Variants in ATRNL1 observed in about 807,000 individuals in gnomAD.
ATRNL1 encodes the protein attractin like 1.
In ATRNL1, 95 loss-of-function variants were observed where a neutral mutation model predicts 182.7. That is an observed-to-expected ratio of 0.52 (90% CI 0.44 to 0.62). The LOEUF is 0.62. ATRNL1 is among the 20% of genes least tolerant of loss of function. The probability of loss-of-function intolerance (pLI) is 0.00; values close to 1 mark genes in which losing one functional copy is unlikely to be tolerated. For missense variants in ATRNL1, 1,471 were observed against 1,679.5 expected (o/e 0.88, Z 2.17); for synonymous variants, 576 against 568.3 (o/e 1.01, Z -0.19).
intron 27 of ATRNL1, among the ~76,000 whole-genome samples, chr10:115,781,607 A>G (rs1949267547): frequency 6.6e-6 from 1 of 152,210 alleles, no homozygotes; most frequent in African/African-American, 2.4e-5. Context: ...AGTAACAGGA[A>G]AGACTCATCT....
chr10:115,217,967 A>G (rs1182009071), intron 9 of ATRNL1, among the ~76,000 whole-genome samples: 1 of 152,038 alleles, frequency 6.6e-6, no homozygotes. Context: ...GTGGTCCCCA[A>G]CCTTTTTGGC....
chr10:115,153,536 T>C (rs1554881270), intron 5 of ATRNL1, among the ~76,000 whole-genome samples: 1 of 152,220 alleles, frequency 6.6e-6, no homozygotes, highest in East Asian at 1.9e-4. Context: ...TAGTTTGTAT[T>C]TCTTTGGGAT....
chr10:115,344,634 G>A (rs1393721695), intron 19 of ATRNL1, among the ~76,000 whole-genome samples: 1 of 152,172 alleles, frequency 6.6e-6, no homozygotes, highest in East Asian at 1.9e-4. Context: ...ACCTGTGACT[G>A]TGTTAGTTCC....
intron 27 of ATRNL1, among the ~76,000 whole-genome samples, chr10:115,817,881 T>G (rs1361364835): frequency 8.0e-5 from 3 of 37,402 alleles, no homozygotes; most frequent in African/African-American, 2.0e-4. Context: ...CGTTGTGTTT[T>G]TTTTTTTTTT....
chr10:115,706,956 T>C (rs936226348), intron 26 of ATRNL1, among the ~76,000 whole-genome samples: 3 of 151,934 alleles, frequency 2.0e-5, no homozygotes, highest in Admixed American at 6.6e-5. Flanking sequence ...CAGTCTCTCT[T>C]AGTTTTTGAG....
At chr10:115,532,625 C>A (rs1197844583) in intron 25 of ATRNL1, among the ~76,000 whole-genome samples, 1 of 150,874 alleles carries the variant, frequency 6.6e-6, no homozygotes, top group African/African-American at 2.4e-5. Context: ...ATTTCCTTCT[C>A]CTGCCTAATT....
At chr10:115,561,819 T>C (rs1554999821) in intron 26 of ATRNL1, among the ~76,000 whole-genome samples, 2 of 152,034 alleles carry the variant, frequency 1.3e-5, no homozygotes, top group Non-Finnish European at 2.9e-5. Flanking sequence ...TACCACTAAA[T>C]GCTTGTGATC....
intron 25 of ATRNL1, among the ~76,000 whole-genome samples, chr10:115,542,288 C>A (rs1852402024): frequency 6.6e-6 from 1 of 151,936 alleles, no homozygotes; most frequent in Non-Finnish European, 1.5e-5. Context: ...TGTTACAGAA[C>A]CGTGGCAGGG....
At chr10:115,148,211 A>G (rs1305148057) in intron 5 of ATRNL1, among the ~76,000 whole-genome samples, 3 of 151,892 alleles carry the variant, frequency 2.0e-5, no homozygotes, top group Admixed American at 6.6e-5. Context: ...TTTTGTAGCT[A>G]TTGTATTGCC....
At chr10:115,517,035 G>A (rs555595161) in intron 24 of ATRNL1, among the ~76,000 whole-genome samples, 9 of 151,904 alleles carry the variant, frequency 5.9e-5, no homozygotes, top group South Asian at 2.1e-4. Flanking sequence ...TATTACAATG[G>A]TGTAGAACAG....
At chr10:115,747,936 A>C (rs1342383739) in intron 27 of ATRNL1, among the ~76,000 whole-genome samples, 1 of 152,072 alleles carries the variant, frequency 6.6e-6, no homozygotes, top group Non-Finnish European at 1.5e-5. Context: ...TAAGGACACT[A>C]ATCTCATTCT....
chr10:115,129,318 A>G lies in ATRNL1; in HGVS notation c.621-9A>G. On this transcript the variant is annotated splice_polypyrimidine_tract_variant and intron_variant, in intron 4 of 28. Coordinates refer to ENST00000355044, the MANE Select transcript of ATRNL1 (RefSeq NM_207303.4). ...TTGAATCTGAATATATATGAATTATATTTTACAGAATCAATTCTTGTCCTA... is the reference window on the plus strand; with the variant it reads ...TTGAATCTGAATATATATGAATTATGTTTTACAGAATCAATTCTTGTCCTA... 1.2e-6 allele frequency: 2 copies of G among 1,603,876 alleles called. No homozygotes were observed. Among genetic ancestry groups the G allele is most frequent in the Non-Finnish European group, 1.7e-6 (2 of 1,171,648 alleles).
chr10:115,631,880 T>C (rs907358362), intron 26 of ATRNL1, among the ~76,000 whole-genome samples: 3 of 152,068 alleles, frequency 2.0e-5, no homozygotes, highest in African/African-American at 7.2e-5. Flanking sequence ...TGAAAAACAA[T>C]GGCAAGTCGA....
At position 115,169,207 on chromosome 10, in the gene ATRNL1, T is replaced by C. The variant is rs1247173183; in HGVS notation, c.1093-1830T>C. ...CCCAGTATCACTCTGTTTTGATTAC[T>C]TTTTTTTTTTTTTTTTTGAGACAGA... On this transcript the variant is annotated intron_variant, in intron 7 of 28. Transcript: ENST00000355044. Among the ~76,000 whole-genome samples the C allele has an allele frequency of 6.5e-5, 8 of 123,944 alleles. No homozygotes were observed. The East Asian group carries it at 1.0e-3, about 16-fold the overall frequency. The allele number at this position is 123,944 out of a possible 152,430, so 81.3% of individuals were successfully genotyped here.
intron 19 of ATRNL1, among the ~76,000 whole-genome samples, chr10:115,374,189 T>C (rs1043641096): frequency 2.6e-5 from 4 of 151,880 alleles, no homozygotes; most frequent in Non-Finnish European, 1.5e-5. Context: ...TCTTCTATGA[T>C]ATTAGTTGTA....
At chr10:115,942,693 GA>G (rs1197075455) in intron 28 of ATRNL1, among the ~76,000 whole-genome samples, 4 of 152,228 alleles carry the variant, frequency 2.6e-5, no homozygotes, top group African/African-American at 9.6e-5. Context: ...GCAACATGTG[GA>G]GAAGAGGTCA....
intron 10 of ATRNL1, among the ~76,000 whole-genome samples, chr10:115,260,710 T>C (rs1452842586): frequency 1.3e-5 from 2 of 152,114 alleles, no homozygotes; most frequent in Non-Finnish European, 2.9e-5. Flanking sequence ...AAATGTGAGA[T>C]TTTAATAAAA....
chr10:115,519,348 T>C, intron 25 of ATRNL1, 24 bp downstream of exon 25: 1 of 1,596,536 alleles, frequency 6.3e-7, no homozygotes, highest in South Asian at 1.1e-5. Context: ...TTGACTGACT[T>C]TGAACTTTTC....
intron 28 of ATRNL1, among the ~76,000 whole-genome samples, chr10:115,864,967 G>T (rs1219690528): frequency 6.7e-6 from 1 of 149,176 alleles, no homozygotes; most frequent in Non-Finnish European, 1.5e-5. Flanking sequence ...GGGCGACAGA[G>T]CGAGACTCCG....
Sources: gnomAD v4.1 joint callset for allele counts (sites outside exome capture counted in the v4.1 genomes callset) on GRCh38, gnomAD v4.1.1 for gene constraint, MANE v1.5 for transcripts, NCBI Gene and HGNC (gene_info 2026-07-23, HGNC 2026-07-21) for gene names.